Variants in FBXL7 observed in about 807,000 individuals in gnomAD.
The protein encoded by FBXL7 is F-box and leucine rich repeat protein 7, also known as F-box/LRR-repeat protein 7.
A neutral mutation model predicts 38.3 loss-of-function variants in FBXL7; 12 were observed. The ratio of observed to expected loss-of-function variants is 0.31; its 90% CI spans 0.20 to 0.51. FBXL7 has a LOEUF of 0.51. FBXL7 is among the 20% of genes least tolerant of loss of function. FBXL7 has a pLI of 0.98. For synonymous variants in FBXL7, 297 were observed against 300.9 expected (o/e 0.99, Z 0.13); for missense variants, 567 against 676.4 (o/e 0.84, Z 1.79).
At chr5:15,845,532 T>C (rs150112151) in intron 2 of FBXL7, among the ~76,000 whole-genome samples, 1 of 152,226 alleles carries the variant, frequency 6.6e-6, no homozygotes, top group Non-Finnish European at 1.5e-5. Context: ...TAAATAAATA[T>C]CTGTTAAATA....
At chr5:15,722,908 C>T (rs1372047460) in intron 2 of FBXL7, among the ~76,000 whole-genome samples, 1 of 115,772 alleles carries the variant, frequency 8.6e-6, no homozygotes, top group Non-Finnish European at 1.9e-5. Flanking sequence ...GCTGACAGAG[C>T]AAGACTCCGT....
intron 2 of FBXL7, among the ~76,000 whole-genome samples, chr5:15,906,436 ATT>A (rs70938032): frequency 0.19 from 24,482 of 125,948 alleles, 3,202 homozygotes; most frequent in African/African-American, 0.39. Context: ...ACCTAGAAGG[ATT>A]TTTTTTTTTT....
chr5:15,750,518 C>T (rs551092701), intron 2 of FBXL7, among the ~76,000 whole-genome samples: 3 of 152,262 alleles, frequency 2.0e-5, no homozygotes, highest in Admixed American at 2.0e-4. Flanking sequence ...TCCTGCAGCC[C>T]CACCTGCAGT....
At position 15,791,790 on chromosome 5, in the gene FBXL7, T is replaced by C. The variant is rs116305396; in HGVS notation, c.128-136100T>C. Among the ~76,000 whole-genome samples, 316 of 152,240 alleles carry C rather than the reference T, an allele frequency of 2.1e-3. 2 individuals are homozygous for C. Among genetic ancestry groups the C allele is most frequent in the African/African-American group, 7.1e-3 (295 of 41,546 alleles). On this transcript the variant is annotated intron_variant, in intron 2 of 3. Transcript: ENST00000504595. ...TCTCTCTTCTCCTTCCCAGCCTGTT[T>C]CTGCTGGGCTGCCCGTTACTCAGTT...
rs1739327634 is a variant in FBXL7 at position 15,858,199 on chromosome 5, T to C, written c.128-69691T>C. Among the ~76,000 whole-genome samples, 3 of 149,930 alleles carry C rather than the reference T, an allele frequency of 2.0e-5. No individual in the cohort carries two copies. In the South Asian group the frequency reaches 6.3e-4, roughly 31 times the overall value. Reference sequence around the variant, plus strand: ...AAACTGGAGCAGGGAGGAAAAAGTATATATATATTTTACATAATATATATA... The same window carrying C: ...AAACTGGAGCAGGGAGGAAAAAGTACATATATATTTTACATAATATATATA... On this transcript the variant is annotated intron_variant, in intron 2 of 3. Coordinates refer to ENST00000504595, the MANE Select transcript of FBXL7 (RefSeq NM_012304.5).
chr5:15,672,191 G>A (rs905588407), intron 2 of FBXL7, among the ~76,000 whole-genome samples: 2 of 152,118 alleles, frequency 1.3e-5, no homozygotes, highest in African/African-American at 4.8e-5. Flanking sequence ...TGTAGGTATC[G>A]TTTGACCATA....
chr5:15,577,830 C>A (rs1250805381), intron 1 of FBXL7, among the ~76,000 whole-genome samples: 1 of 152,164 alleles, frequency 6.6e-6, no homozygotes, highest in East Asian at 1.9e-4. Context: ...CATGTTTCAT[C>A]CAAACCCCAT....
chr5:15,931,258 A>G (rs1742029975), intron 3 of FBXL7, among the ~76,000 whole-genome samples: 1 of 152,256 alleles, frequency 6.6e-6, no homozygotes, highest in Non-Finnish European at 1.5e-5. Flanking sequence ...TGAAAGCTGT[A>G]TGAAATCTGG....
chr5:15,829,639 T>C (rs555857674), intron 2 of FBXL7, among the ~76,000 whole-genome samples: 28 of 152,334 alleles, frequency 1.8e-4, no homozygotes, highest in African/African-American at 6.0e-4. Context: ...TTCATCTTAA[T>C]AGCATTGGCT....
intron 1 of FBXL7, among the ~76,000 whole-genome samples, chr5:15,507,907 G>A (rs889392831): frequency 6.6e-6 from 1 of 152,062 alleles, no homozygotes; most frequent in East Asian, 1.9e-4. Context: ...GCCGGGTGTG[G>A]TGATGGGTGC....
intron 2 of FBXL7, among the ~76,000 whole-genome samples, chr5:15,766,801 T>C (rs1305774618): frequency 6.6e-6 from 1 of 152,190 alleles, no homozygotes; most frequent in Non-Finnish European, 1.5e-5. Flanking sequence ...GGGAGAATAA[T>C]TGAAGCTTTC....
chr5:15,529,807 G>T (rs1437162284), intron 1 of FBXL7, among the ~76,000 whole-genome samples: 1 of 152,164 alleles, frequency 6.6e-6, no homozygotes, highest in African/African-American at 2.4e-5. Flanking sequence ...GCACTAGTAT[G>T]TTGAAGTATC....
At chr5:15,777,078 T>G (rs1186651662) in intron 2 of FBXL7, among the ~76,000 whole-genome samples, 1 of 152,094 alleles carries the variant, frequency 6.6e-6, no homozygotes, top group Non-Finnish European at 1.5e-5. Flanking sequence ...AAAATATATT[T>G]CACATTCATT....
chr5:15,806,881 C>T (rs2126747904), intron 2 of FBXL7, among the ~76,000 whole-genome samples: 1 of 152,312 alleles, frequency 6.6e-6, no homozygotes, highest in South Asian at 2.1e-4. Flanking sequence ...GCCCTGTTGT[C>T]AAATGTGCAC....
At chr5:15,932,118 C>T (rs150807543) in intron 3 of FBXL7, among the ~76,000 whole-genome samples, 93 of 152,280 alleles carry the variant, frequency 6.1e-4, no homozygotes, top group African/African-American at 1.9e-3. Context: ...CTTTAAAAGG[C>T]TTAAAGTTCC....
intron 2 of FBXL7, among the ~76,000 whole-genome samples, chr5:15,873,227 A>G (rs994402702): frequency 6.6e-6 from 1 of 152,218 alleles, no homozygotes; most frequent in Non-Finnish European, 1.5e-5. Flanking sequence ...GAACAAAGAC[A>G]CAATGTACCA....
At position 15,868,890 on chromosome 5, in the gene FBXL7, T is replaced by C. The variant is rs563409257; in HGVS notation, c.128-59000T>C. On this transcript the variant is annotated intron_variant, in intron 2 of 3. Coordinates refer to ENST00000504595, the MANE Select transcript of FBXL7 (RefSeq NM_012304.5). ...TTCCCCGTAGTACTTGCCACTAGAG[T>C]AATTGTATATAAGAGTTAACTATCG... is the stretch of plus-strand genomic sequence containing the variant. 4.0e-4 allele frequency among the ~76,000 whole-genome samples: 61 copies of C among 152,158 alleles called. No homozygotes were observed. The East Asian group carries it at 4.8e-3, about 12-fold the overall frequency.
chr5:15,929,568 G>A (rs1338736705), intron 3 of FBXL7, among the ~76,000 whole-genome samples: 1 of 146,652 alleles, frequency 6.8e-6, no homozygotes, highest in African/African-American at 2.5e-5. Flanking sequence ...AAGCTGCAGT[G>A]AACTATGATC....
chr5:15,615,466 G>A (rs893844480), intron 1 of FBXL7, among the ~76,000 whole-genome samples: 2 of 152,132 alleles, frequency 1.3e-5, no homozygotes, highest in African/African-American at 2.4e-5. Context: ...TGCTGCATTC[G>A]AAAAATGAAA....
Sources: allele counts gnomAD v4.1 joint callset (sites outside exome capture counted in the v4.1 genomes callset), GRCh38; gene constraint gnomAD v4.1.1; transcripts MANE v1.5; gene names NCBI Gene and HGNC (gene_info 2026-07-23, HGNC 2026-07-21).